ERC1: variants seen among roughly 807,000 people sequenced by gnomAD.
The protein encoded by ERC1 is ELKS/RAB6-interacting/CAST family member 1, also known as RAB6 interacting protein 2.
ERC1 carries 56 observed loss-of-function variants against 132.0 expected under a neutral mutation model. The ratio of observed to expected loss-of-function variants is 0.42; its 90% CI spans 0.34 to 0.53. The LOEUF (loss-of-function observed/expected upper bound fraction) is 0.53. Among genes scored for constraint, ERC1 ranks in the 20% least tolerant of loss-of-function variants. The pLI is 0.03. For missense variants in ERC1, 1,202 were observed against 1,349.9 expected (o/e 0.89, Z 1.72); for synonymous variants, 478 against 476.1 (o/e 1.00, Z -0.05).
chr12:1,186,815 T>C (rs1955145071), intron 11 of ERC1, among the ~76,000 whole-genome samples: 1 of 152,174 alleles, frequency 6.6e-6, no homozygotes, highest in Admixed American at 6.5e-5. Context: ...TATTCCACAA[T>C]TTAGAAATCC....
rs541425018 is a variant in ERC1, at chr12:1,401,091, G to A, written c.2926-7058G>A. On this transcript the variant is annotated intron_variant, in intron 16 of 18. Coordinates refer to ENST00000360905, the MANE Select transcript of ERC1 (RefSeq NM_178040.4). ...GCTGGGACTACAGACGCCCACCGCT[G>A]CGCCCGGCTAATTTTTTGTATTTTT... Among the ~76,000 whole-genome samples the A allele has an allele frequency of 6.2e-3, 937 of 151,246 alleles. 6 individuals are homozygous for A. The highest frequency in any genetic ancestry group is 0.022 in the African/African-American group (888 of 40,998).
chr12:1,172,953 C>T (rs903263170), intron 8 of ERC1, among the ~76,000 whole-genome samples: 6 of 152,108 alleles, frequency 3.9e-5, no homozygotes, highest in African/African-American at 1.4e-4. Context: ...TGGCTCTGCC[C>T]AGCAGCTTTA....
At chr12:1,075,359 T>TA (rs1941165041) in intron 2 of ERC1, among the ~76,000 whole-genome samples, 1 of 152,214 alleles carries the variant, frequency 6.6e-6, no homozygotes, top group African/African-American at 2.4e-5. Flanking sequence ...TTTATGTATA[T>TA]ACTGCATTCT....
At chr12:1,042,357 C>CT (rs34079872) in intron 2 of ERC1, among the ~76,000 whole-genome samples, 10 of 70,834 alleles carry the variant, frequency 1.4e-4, no homozygotes, top group African/African-American at 2.6e-4. Flanking sequence ...TTTTTTTTTT[C>CT]TTTTTTTGAA....
At chr12:1,043,419 C>T (rs1052882520) in intron 2 of ERC1, among the ~76,000 whole-genome samples, 1 of 152,102 alleles carries the variant, frequency 6.6e-6, no homozygotes, top group African/African-American at 2.4e-5. Context: ...TTTTGGATTT[C>T]TCTTGGTATT....
At chr12:1,130,150 A>C (rs1297227331) in intron 7 of ERC1, among the ~76,000 whole-genome samples, 1 of 152,244 alleles carries the variant, frequency 6.6e-6, no homozygotes, top group Non-Finnish European at 1.5e-5. Context: ...CTACAGTGGC[A>C]AAATGAAAAT....
At chr12:1,042,618 G>A (rs1462875151) in intron 2 of ERC1, among the ~76,000 whole-genome samples, 1 of 151,744 alleles carries the variant, frequency 6.6e-6, no homozygotes, top group Non-Finnish European at 1.5e-5. Context: ...GATTACAGGT[G>A]TGAGCCACCG....
intron 8 of ERC1, among the ~76,000 whole-genome samples, chr12:1,180,188 C>A (rs953206432): frequency 6.6e-6 from 1 of 151,988 alleles, no homozygotes; most frequent in South Asian, 2.1e-4. Flanking sequence ...TCATGGCTTT[C>A]CTCTCTACAT....
chr12:1,266,071 A>T (rs1223705662), intron 14 of ERC1, among the ~76,000 whole-genome samples: 1 of 152,102 alleles, frequency 6.6e-6, no homozygotes, highest in Non-Finnish European at 1.5e-5. Context: ...AATAACTGTG[A>T]GTGTGATTGC....
chr12:1,453,283 T>C (rs2093463659), intron 18 of ERC1, among the ~76,000 whole-genome samples: 2 of 152,158 alleles, frequency 1.3e-5, no homozygotes, highest in South Asian at 4.1e-4. Context: ...CCATTCATAA[T>C]TTGGGGTCCT....
At chr12:1,093,432 C>T (rs1346151590) in intron 3 of ERC1, among the ~76,000 whole-genome samples, 1 of 152,130 alleles carries the variant, frequency 6.6e-6, no homozygotes, top group Non-Finnish European at 1.5e-5. Flanking sequence ...TATACACCAA[C>T]ATTTGAGGCC....
chr12:1,013,788 G>T (rs916427831), intron 1 of ERC1, among the ~76,000 whole-genome samples: 9 of 152,144 alleles, frequency 5.9e-5, no homozygotes, highest in African/African-American at 2.2e-4. Context: ...CTGGAGTATA[G>T]TGATGTGATC....
chr12:1,206,112 A>G (rs1957330770), intron 12 of ERC1, among the ~76,000 whole-genome samples: 1 of 152,102 alleles, frequency 6.6e-6, no homozygotes, highest in Non-Finnish European at 1.5e-5. Flanking sequence ...TAAAATAGTC[A>G]TTGTTTTTTC....
rs191056400 is a variant in ERC1, at chr12:1,108,857, C to G, written c.1162-1335C>G. On this transcript the variant is annotated intron_variant, in intron 4 of 18. Transcript: ENST00000360905. Reference sequence around the variant, plus strand: ...GAGGAATACATCCTCTCCTCCCCTCCCTTGAACCTGAAAATAGCTAGGTGT... The same window carrying G: ...GAGGAATACATCCTCTCCTCCCCTCGCTTGAACCTGAAAATAGCTAGGTGT... Among the ~76,000 whole-genome samples, 17 of 152,272 alleles carry G rather than the reference C, an allele frequency of 1.1e-4. 1 individual carries two copies. Among genetic ancestry groups the G allele is most frequent in the Admixed American group, 1.0e-3 (16 of 15,302 alleles).
At chr12:1,162,871 G>C (rs1566117807) in intron 8 of ERC1, among the ~76,000 whole-genome samples, 1 of 152,092 alleles carries the variant, frequency 6.6e-6, no homozygotes, top group Non-Finnish European at 1.5e-5. Flanking sequence ...ACATAATTTA[G>C]TTAGATATTA....
chr12:1,268,738 C>T (rs1002284029), intron 14 of ERC1, among the ~76,000 whole-genome samples: 18 of 152,086 alleles, frequency 1.2e-4, no homozygotes, highest in Admixed American at 1.2e-3. Flanking sequence ...TGCACTCCAG[C>T]CTGGGCGACA....
At chr12:1,179,860 G>GT (rs1954209592) in intron 8 of ERC1, among the ~76,000 whole-genome samples, 1 of 152,078 alleles carries the variant, frequency 6.6e-6, no homozygotes, top group African/African-American at 2.4e-5. Context: ...TTCAACAAAC[G>GT]TTTTTTGAGT....
At chr12:1,218,105 A>G (rs183614575) in intron 12 of ERC1, among the ~76,000 whole-genome samples, 123 of 152,222 alleles carry the variant, frequency 8.1e-4, no homozygotes, top group Non-Finnish European at 9.9e-4. Flanking sequence ...CTTCGCCTCC[A>G]CTCAAAGTTT....
chr12:1,095,036 C>T (rs1339745547), intron 3 of ERC1, among the ~76,000 whole-genome samples: 1 of 152,092 alleles, frequency 6.6e-6, no homozygotes, highest in African/African-American at 2.4e-5. Context: ...ATTTTCAGAC[C>T]TAAGTTTTAC....
Sources: gnomAD v4.1 joint callset for allele counts (sites outside exome capture counted in the v4.1 genomes callset) on GRCh38, gnomAD v4.1.1 for gene constraint, MANE v1.5 for transcripts, NCBI Gene and HGNC (gene_info 2026-07-23, HGNC 2026-07-21) for gene names.